DDX27: variants seen among roughly 807,000 people sequenced by gnomAD.
The protein encoded by DDX27 is DEAD-box helicase 27, also known as probable ATP-dependent RNA helicase DDX27.
A neutral mutation model predicts 99.3 loss-of-function variants in DDX27; 42 were observed. That is an observed-to-expected ratio of 0.42 (90% CI 0.33 to 0.55). The LOEUF (loss-of-function observed/expected upper bound fraction) is 0.55, where lower values mean the gene tolerates loss of function less well. Ranked by LOEUF, DDX27 falls within the 20% of genes least tolerant of loss-of-function variation. The pLI is 0.07. For synonymous variants in DDX27, 329 were observed against 353.8 expected, an observed-to-expected ratio of 0.93 and a Z score of 0.79; for missense variants, 798 against 976.8, an observed-to-expected ratio of 0.82 and a Z score of 2.44.
intron 11 of DDX27, 31 bp from the exon 12 acceptor site, chr20:49,234,904 A>C: frequency 6.4e-7 from 1 of 1,555,548 alleles, no homozygotes; most frequent in Non-Finnish European, 8.7e-7. Context: ...GCCTAGAAAC[A>C]GCTGCCAGCT....
intron 1 of DDX27, among the ~76,000 whole-genome samples, chr20:49,220,284 C>G (rs573571238): frequency 1.3e-5 from 2 of 152,284 alleles, no homozygotes; most frequent in South Asian, 2.1e-4. Flanking sequence ...GCTCTGCAAG[C>G]TAGCTCATGA....
chr20:49,236,320 T>G lies in DDX27; in HGVS notation c.1510-13T>G, dbSNP rs1980307213. On this transcript the variant is annotated splice_polypyrimidine_tract_variant and intron_variant, in intron 13 of 20. Coordinates refer to ENST00000618172, the MANE Select transcript of DDX27 (RefSeq NM_017895.8). The surrounding 1 kb of genome is among the most constrained non-coding windows in gnomAD (Gnocchi z 4.1). ...TCCCTTGCCAGGCCTGACGTTCATT[T>G]TTGACCTTCTAGGTAATCAACTTCA... is the stretch of plus-strand genomic sequence containing the variant. 6.4e-7 allele frequency: 1 copy of G among 1,571,326 alleles called. No homozygotes were observed. Among genetic ancestry groups the G allele is most frequent in the East Asian group, 2.3e-5 (1 of 43,830 alleles).
Position 49,228,816 on chromosome 20 carries a change from C to T in DDX27, c.808C>T (p.Leu270=). ...GCTGGTGCTAGTGCCCACCCGAGAGCTGGGCATCCAGGTGCACTCTGTCAC... is the reference window on the plus strand; with the variant it reads ...GCTGGTGCTAGTGCCCACCCGAGAGTTGGGCATCCAGGTGCACTCTGTCAC... ...RVLVLVPTRE[L]GIQVHSVTRQ... Residue 270 remains leucine (L), a synonymous_variant, in exon 8 of 21, where the codon CTG becomes TTG. Transcript: ENST00000618172. 1 of 1,613,104 alleles carries T rather than the reference C, an allele frequency of 6.2e-7. No homozygotes were observed. The highest frequency in any genetic ancestry group is 1.3e-5 in the African/African-American group (1 of 74,974).
rs1327790195 is a variant in DDX27 at position 49,223,430 on chromosome 20, G to A, written c.463G>A (p.Ala155Thr). The change falls in exon 4 of 21, where the codon GCA becomes ACA. Residue 155 changes from alanine (A) to threonine (T), a missense_variant. By Grantham distance (58) the Ala-to-Thr change is moderately conservative. Coordinates refer to ENST00000618172, the MANE Select transcript of DDX27 (RefSeq NM_017895.8). ...AGCTGATGAGAACATCCTCACCAAA[G>A]CAGGTAGACGTTACGGCGGAGGTGT... is the stretch of plus-strand genomic sequence containing the variant. The part of the protein sequence containing the change: ...SSADENILTK[A>T]DTLKVKDRKK... 1 of 1,607,032 alleles carries A rather than the reference G, an allele frequency of 6.2e-7. No individual in the cohort carries two copies. The highest frequency in any genetic ancestry group is 2.2e-5 in the East Asian group (1 of 44,856).
rs557977160 is a variant in DDX27, at chr20:49,220,250, T to A, written c.93+709T>A. Among the ~76,000 whole-genome samples, 8 of 152,230 alleles carry A rather than the reference T, an allele frequency of 5.3e-5. 1 individual carries two copies. Among genetic ancestry groups the A allele is most frequent in the Middle Eastern group, 3.4e-3 (1 of 294 alleles). On this transcript the variant is annotated intron_variant, in intron 1 of 20. Transcript: ENST00000618172. The stretch of plus-strand genomic sequence containing the variant: ...AAACCTTAGAGTTATTCTTGACAGT[T>A]TTTTCTTCCTCACCGCCGCCAGTGC...
intron 3 of DDX27, 80 bp downstream of exon 3, chr20:49,223,096 C>T: frequency 1.4e-6 from 2 of 1,463,444 alleles, no homozygotes; most frequent in Non-Finnish European, 1.9e-6. Context: ...CTCTGGAAGC[C>T]CTTATAGAGC....
chr20:49,233,499 G>A, intron 10 of DDX27, 69 bp from the exon 11 acceptor site: 2 of 1,601,858 alleles, frequency 1.2e-6, no homozygotes, highest in South Asian at 2.2e-5. Context: ...TTTGCCTGGG[G>A]TGAGCACTGC....
chr20:49,226,411 C>T lies in DDX27; in HGVS notation c.601-19C>T, dbSNP rs780733953. 5.6e-6 allele frequency: 9 copies of T among 1,608,038 alleles called. No individual in the cohort carries two copies. Among genetic ancestry groups the T allele is most frequent in the East Asian group, 2.2e-5 (1 of 44,768 alleles). On this transcript the variant is annotated intron_variant, in intron 6 of 20. Coordinates refer to ENST00000618172, the MANE Select transcript of DDX27 (RefSeq NM_017895.8). ...CTTCCCCCGCTCAACCCTGTCTGACCCAGTTCTTTTTTCCTCAGGCCATTA... is the reference window on the plus strand; with the variant it reads ...CTTCCCCCGCTCAACCCTGTCTGACTCAGTTCTTTTTTCCTCAGGCCATTA...
intron 8 of DDX27, among the ~76,000 whole-genome samples, chr20:49,229,748 A>G (rs1980034414): frequency 6.6e-6 from 1 of 150,514 alleles, no homozygotes; most frequent in Non-Finnish European, 1.5e-5. Context: ...TCCTGGGTTC[A>G]AGTGATTCTC....
intron 9 of DDX27, 33 bp downstream of exon 9, chr20:49,230,382 T>A (rs777347406): frequency 1.3e-6 from 2 of 1,587,636 alleles, no homozygotes; most frequent in Non-Finnish European, 1.7e-6. Context: ...CAGGGCACTG[T>A]GGGGTTCCAA....
In DDX27 at chr20:49,232,376, C is replaced by T. The variant is rs141816790; in HGVS notation, c.1032-930C>T. ...CTGGCGTAGTGGCTCATGCCTATAA[C>T]CCCAGCACTTTGGGAGGCCGAGGCA... On this transcript the variant is annotated intron_variant, in intron 9 of 20. Transcript: ENST00000618172. 6.0e-3 allele frequency among the ~76,000 whole-genome samples: 915 copies of T among 152,126 alleles called. 13 individuals are homozygous for T. Among genetic ancestry groups the T allele is most frequent in the African/African-American group, 0.021 (862 of 41,522 alleles).
intron 5 of DDX27, 26 bp from the exon 6 acceptor site, chr20:49,225,087 T>C (rs1465069349): frequency 1.2e-6 from 2 of 1,612,670 alleles, no homozygotes; most frequent in Non-Finnish European, 8.5e-7. Flanking sequence ...TTGAATTCTC[T>C]TCTCTCTTTT....
chr20:49,231,026 G>C (rs757473928), intron 9 of DDX27: 1 of 152,322 alleles, frequency 6.6e-6, no homozygotes, highest in Non-Finnish European at 1.5e-5. Context: ...TCCACAGCCC[G>C]CCTGTCGACA....
chr20:49,239,198 C>T (rs372896103), intron 15 of DDX27, 38 bp from the exon 16 acceptor site: 82 of 1,595,742 alleles, frequency 5.1e-5, no homozygotes, highest in Middle Eastern at 1.7e-4. Flanking sequence ...TTAGTAGATA[C>T]GGGTTTCACG....
At chr20:49,222,530 T>C (rs565046350) in intron 2 of DDX27, among the ~76,000 whole-genome samples, 1 of 152,186 alleles carries the variant, frequency 6.6e-6, no homozygotes, top group South Asian at 2.1e-4. Context: ...ATTTTTTTTT[T>C]TGAGACGGAG....
Position 49,242,198 on chromosome 20 carries a change from G to C in DDX27, c.2108G>C (p.Arg703Thr). 6.2e-7 allele frequency: 1 copy of C among 1,614,158 alleles called. No individual in the cohort carries two copies. The highest frequency in any genetic ancestry group is 8.5e-7 in the Non-Finnish European group (1 of 1,179,998). Reference sequence around the variant, plus strand: ...GCAATGCCCGAGGAGGAGCCAGTGAGAGGTCCTGGTAGGTGAATGGGGAGC... The same window carrying C: ...GCAATGCCCGAGGAGGAGCCAGTGACAGGTCCTGGTAGGTGAATGGGGAGC... ...ARAMPEEEPVRGPAKKQKQGK... is the reference protein window; with the variant it reads ...ARAMPEEEPVTGPAKKQKQGK... The change falls in exon 18 of 21, where the codon AGA becomes ACA. Residue 703 changes from arginine to threonine, a missense_variant. By Grantham distance (71) the Arg-to-Thr change is moderately conservative (BLOSUM62 -1). Transcript: ENST00000618172.
At chr20:49,219,800 C>G (rs543307360) in intron 1 of DDX27, among the ~76,000 whole-genome samples, 1 of 152,254 alleles carries the variant, frequency 6.6e-6, no homozygotes, top group African/African-American at 2.4e-5. Context: ...TTAACCACGC[C>G]CTGTGTAAGA....
At position 49,223,009 on chromosome 20, in the gene DDX27, A is replaced by G. The variant is rs762700731; in HGVS notation, c.293A>G (p.Lys98Arg). Residue 98 changes from lysine to arginine, a missense_variant, in exon 3 of 21, where the codon AAA (lysine) becomes AGA (arginine). Coordinates refer to ENST00000618172, the MANE Select transcript of DDX27 (RefSeq NM_017895.8). ...EKIEKVRKKR[K>R]TEDKEAKSGK... ...ATTGAGAAAGTTCGAAAGAAAAGGA[A>G]AACAGAGGTGAGAAGAAAAGTGGCT... is the stretch of plus-strand genomic sequence containing the variant. 9 of 1,613,274 alleles carry G rather than the reference A, an allele frequency of 5.6e-6. No individual in the cohort carries two copies. The highest frequency in any genetic ancestry group is 7.6e-6 in the Non-Finnish European group (9 of 1,179,616).
At chr20:49,222,469 T>C (rs1404136812) in intron 2 of DDX27, among the ~76,000 whole-genome samples, 1 of 151,388 alleles carries the variant, frequency 6.6e-6, no homozygotes, top group African/African-American at 2.4e-5. Context: ...GCCACTGTGC[T>C]CAGCCTTACC....
Sources: gnomAD v4.1 joint callset for allele counts (sites outside exome capture counted in the v4.1 genomes callset) on GRCh38, gnomAD v4.1.1 for gene constraint, Gnocchi (gnomAD v3.1) non-coding constraint, MANE v1.5 for transcripts, NCBI Gene and HGNC (gene_info 2026-07-23, HGNC 2026-07-21) for gene names.